Variants in MTSS1 observed in about 807,000 individuals in gnomAD.
MTSS1 encodes the protein MTSS I-BAR domain containing 1.
Under a neutral mutation model 79.0 loss-of-function variants are expected in MTSS1, and 18 were observed. The ratio of observed to expected loss-of-function variants is 0.23; its 90% confidence interval spans 0.16 to 0.34. The LOEUF is 0.34. Among genes scored for constraint, MTSS1 ranks in the 10% least tolerant of loss-of-function variants. The probability of loss-of-function intolerance (pLI) is 1.00; values close to 1 mark genes in which losing one functional copy is unlikely to be tolerated. For missense variants in MTSS1, 815 were observed against 986.2 expected, an observed-to-expected ratio of 0.83 and a Z score of 2.33; for synonymous variants, 341 against 368.6, an observed-to-expected ratio of 0.93 and a Z score of 0.86.
At chr8:124,665,612 A>G (rs965346131) in intron 3 of MTSS1, among the ~76,000 whole-genome samples, 9 of 152,010 alleles carry the variant, frequency 5.9e-5, no homozygotes, top group Non-Finnish European at 1.2e-4. Context: ...TCATGCCTGT[A>G]ATCCCAGCAC....
rs111558675 is a variant in MTSS1, at chr8:124,604,878, A to C, written c.209-13643T>G. On this transcript the variant is annotated intron_variant, in intron 3 of 13. Coordinates refer to ENST00000518547, the MANE Select transcript of MTSS1 (RefSeq NM_014751.6). ...GGAAACAAAACCCACACACAATCCT[A>C]CCACCATCTGGCGGCTTCAGACCAG... Among the ~76,000 whole-genome samples the C allele has an allele frequency of 5.6e-3, 853 of 152,140 alleles. 4 individuals are homozygous for C. The highest frequency in any genetic ancestry group is 0.02 in the African/African-American group (825 of 41,506).
chr8:124,662,858 G>C (rs1433725722), intron 3 of MTSS1, among the ~76,000 whole-genome samples: 1 of 152,074 alleles, frequency 6.6e-6, no homozygotes, highest in Non-Finnish European at 1.5e-5. Flanking sequence ...GGTATCCAAG[G>C]GGACCGTGTA....
intron 3 of MTSS1, among the ~76,000 whole-genome samples, chr8:124,624,251 T>C (rs1234891059): frequency 6.6e-6 from 1 of 152,166 alleles, no homozygotes; most frequent in Non-Finnish European, 1.5e-5. Flanking sequence ...CCACAATTTA[T>C]TATTTTTGCA....
intron 3 of MTSS1, among the ~76,000 whole-genome samples, chr8:124,659,606 T>C (rs747898860): frequency 3.9e-5 from 6 of 152,220 alleles, no homozygotes; most frequent in Non-Finnish European, 7.3e-5. Context: ...ACATTTAAAC[T>C]GTACTGGTCC....
chr8:124,558,589 G>A (rs556475448), intron 10 of MTSS1: 43 of 1,328,392 alleles, frequency 3.2e-5, no homozygotes, highest in Non-Finnish European at 4.2e-5. Flanking sequence ...CTGTCCCCAA[G>A]AGGAGCCCCA....
chr8:124,585,146 C>T lies in MTSS1; in HGVS notation c.401G>A (p.Arg134His), dbSNP rs759492868. 4.3e-6 allele frequency: 7 copies of T among 1,613,106 alleles called. No homozygotes were observed. Among genetic ancestry groups the T allele is most frequent in the Middle Eastern group, 1.7e-4 (1 of 6,034 alleles). ...CGAGGACTTCTTTTTTATCTCTTGG[C>T]GGGCTTTCTTATATTCTAAGAGAAA... ...KDHAKEYKKA[R>H]QEIKKKSSDT... Residue 134 changes from arginine (R) to histidine (H), a missense_variant, in exon 6 of 14, where the codon CGC (arginine) becomes CAC (histidine). Around this residue, in one of 2 missense-constraint regions of MTSS1, gnomAD observed 225 missense variants for 365.4 expected, o/e 0.62. Transcript: ENST00000518547.
At chr8:124,557,516 T>A (rs55827301) in intron 11 of MTSS1, among the ~76,000 whole-genome samples, 165 bp downstream of exon 11, 3 of 152,294 alleles carry the variant, frequency 2.0e-5, no homozygotes, top group South Asian at 2.1e-4. Context: ...GGCTGCTTTC[T>A]GCTTCTCCCC....
intron 7 of MTSS1, chr8:124,567,819 T>G: frequency 6.6e-7 from 1 of 1,522,132 alleles, no homozygotes. Flanking sequence ...CTAAGGGAAA[T>G]GAGCTGGTAC....
chr8:124,701,686 G>A (rs1564021983), intron 2 of MTSS1, among the ~76,000 whole-genome samples: 1 of 152,168 alleles, frequency 6.6e-6, no homozygotes, highest in Non-Finnish European at 1.5e-5. Context: ...AGTCACCAGG[G>A]CTCCACTGAA....
chr8:124,590,541 C>A lies in MTSS1; in HGVS notation c.293+610G>T, dbSNP rs150456381. Among the ~76,000 whole-genome samples the A allele has an allele frequency of 1.4e-4, 21 of 152,330 alleles. No homozygotes were observed. In the East Asian group the frequency reaches 2.9e-3, roughly 21 times the overall value. ...CTCGGGGTTACTGAGGGGTGAAGGT[C>A]TCTGAAGGTGTGCCCCTTCATTTTG... On this transcript the variant is annotated intron_variant, in intron 4 of 13. Coordinates refer to ENST00000518547, the MANE Select transcript of MTSS1 (RefSeq NM_014751.6).
intron 3 of MTSS1, among the ~76,000 whole-genome samples, chr8:124,695,437 G>A (rs897391179): frequency 1.3e-5 from 2 of 152,104 alleles, no homozygotes; most frequent in African/African-American, 2.4e-5. Context: ...TTAGAGTCAC[G>A]GCCTACACCA....
At chr8:124,589,126 G>A (rs1831382795) in intron 5 of MTSS1, among the ~76,000 whole-genome samples, 1 of 151,892 alleles carries the variant, frequency 6.6e-6, no homozygotes, top group Non-Finnish European at 1.5e-5. Context: ...TGACTCCCGG[G>A]TTCAAGCGAT....
chr8:124,646,028 AAC>A (rs1399345358), intron 3 of MTSS1, among the ~76,000 whole-genome samples: 9 of 152,236 alleles, frequency 5.9e-5, no homozygotes, highest in African/African-American at 2.2e-4. Flanking sequence ...TGTAAAATAA[AAC>A]ACACTTTAAA....
chr8:124,715,146 C>T (rs774830752), intron 1 of MTSS1, among the ~76,000 whole-genome samples: 40 of 152,154 alleles, frequency 2.6e-4, no homozygotes, highest in Admixed American at 5.9e-4. Context: ...CTCTGACCTG[C>T]CTCTACCCAA....
chr8:124,712,537 C>CA (rs985293196), intron 1 of MTSS1, among the ~76,000 whole-genome samples: 8 of 152,192 alleles, frequency 5.3e-5, no homozygotes, highest in African/African-American at 1.7e-4. Context: ...GCTTTGTCCC[C>CA]AAAACCACCC....
At chr8:124,661,845 C>T (rs975440363) in intron 3 of MTSS1, among the ~76,000 whole-genome samples, 2 of 152,218 alleles carry the variant, frequency 1.3e-5, no homozygotes, top group Non-Finnish European at 2.9e-5. Flanking sequence ...GTACGGCCCA[C>T]ATCTGTCTGC....
chr8:124,571,824 T>C (rs1254578948), intron 6 of MTSS1, among the ~76,000 whole-genome samples: 6 of 152,030 alleles, frequency 3.9e-5, no homozygotes, highest in Non-Finnish European at 8.8e-5. Flanking sequence ...ATTAGCTGGG[T>C]GTGGTGGCAC....
At chr8:124,662,714 G>A (rs1037153760) in intron 3 of MTSS1, among the ~76,000 whole-genome samples, 1 of 151,958 alleles carries the variant, frequency 6.6e-6, no homozygotes, top group African/African-American at 2.4e-5. Context: ...AATATTGGGG[G>A]AGGGGGTGGG....
At chr8:124,585,281 T>C (rs934821679) in intron 5 of MTSS1, 120 bp from the exon 6 acceptor site, 22 of 722,086 alleles carry the variant, frequency 3.0e-5, no homozygotes, top group Non-Finnish European at 4.8e-5. Context: ...CGTCAATGGC[T>C]TTATCAGAAT....
Sources: gnomAD v4.1 joint callset for allele counts (sites outside exome capture counted in the v4.1 genomes callset) on GRCh38, gnomAD v4.1.1 for gene constraint, gnomAD v4.1.1 regional missense constraint, MANE v1.5 for transcripts, NCBI Gene and HGNC (gene_info 2026-07-23, HGNC 2026-07-21) for gene names.